Variants in SEC61A2 observed in about 807,000 individuals in gnomAD.
SEC61A2 encodes SEC61 translocon subunit alpha 2, also known as protein transport protein Sec61 subunit alpha isoform 2.
In SEC61A2, 28 loss-of-function variants were observed where a neutral mutation model predicts 59.9. The ratio of observed to expected loss-of-function variants is 0.47; its 90% CI spans 0.35 to 0.64. The LOEUF (loss-of-function observed/expected upper bound fraction) is 0.64, where lower values mean the gene tolerates loss of function less well. Among genes scored for constraint, SEC61A2 ranks in the 30% least tolerant of loss-of-function variants. The pLI, the probability that SEC61A2 is intolerant of heterozygous loss-of-function variation, is 0.01. For synonymous variants in SEC61A2, 202 were observed against 214.4 expected, an observed-to-expected ratio of 0.94 and a Z score of 0.50; for missense variants, 340 against 585.9, an observed-to-expected ratio of 0.58 and a Z score of 4.33.
Position 12,164,120 on chromosome 10 carries a change from C to A in SEC61A2, c.1245-148C>A. 1.2e-6 allele frequency: 1 copy of A among 807,120 alleles called. No individual in the cohort carries two copies. Among genetic ancestry groups the A allele is most frequent in the Non-Finnish European group, 1.9e-6 (1 of 530,604 alleles). 50.0% of individuals were successfully genotyped at this position (807,120 alleles called of 1,614,324 possible). The stretch of plus-strand genomic sequence containing the variant: ...TCCTGTTCCCATGCCGTGCCCTGCA[C>A]ACCCCTCCACACTGCAGCCTGTTCC... On this transcript the variant is annotated intron_variant, in intron 11 of 11. Transcript: ENST00000298428. The surrounding 1 kb of genome is among the most constrained non-coding windows in gnomAD (Gnocchi z 7.3).
chr10:12,131,411 G>C (rs1385018870), intron 1 of SEC61A2, among the ~76,000 whole-genome samples: 2 of 152,192 alleles, frequency 1.3e-5, no homozygotes, highest in African/African-American at 2.4e-5. Context: ...GCAAAGGACA[G>C]AAGCTTGAGA....
chr10:12,154,772 CAT>C lies in SEC61A2; in HGVS notation c.463-1005_463-1004del, dbSNP rs2131674036. 6.6e-6 allele frequency among the ~76,000 whole-genome samples: 1 copy of C among 152,182 alleles called. No individual in the cohort carries two copies. Among genetic ancestry groups the C allele is most frequent in the Non-Finnish European group, 1.5e-5 (1 of 68,024 alleles). On this transcript the variant is annotated intron_variant, in intron 6 of 11. Coordinates refer to ENST00000298428, the MANE Select transcript of SEC61A2 (RefSeq NM_018144.4). This position sits in a 1 kb window ranked among gnomAD's most constrained non-coding sequence, Gnocchi z 5.2. ...AAGGTAAGCATGCCTAAAATGGTCT[CAT>C]GTGGTTACTTTGGTCGCTCTTCCAG...
In SEC61A2 at chr10:12,155,306, C is replaced by A. The variant is rs1588642638; in HGVS notation, c.463-472C>A. ...TATATAATATATATAATGCTTTTTT[C>A]AAAGGATCAACACAGCCCTTAGACT... On this transcript the variant is annotated intron_variant, in intron 6 of 11. Coordinates refer to ENST00000298428, the MANE Select transcript of SEC61A2 (RefSeq NM_018144.4). The surrounding 1 kb of genome is among the most constrained non-coding windows in gnomAD (Gnocchi z 4.3). 6.5e-7 allele frequency: 1 copy of A among 1,538,908 alleles called. No individual in the cohort carries two copies.
At chr10:12,134,731 C>A (rs1833845345) in intron 2 of SEC61A2, among the ~76,000 whole-genome samples, 1 of 151,916 alleles carries the variant, frequency 6.6e-6, no homozygotes, top group African/African-American at 2.4e-5. Context: ...TCCTTGCCAA[C>A]ATGGTGAAGC....
chr10:12,169,418 T>A, downstream of SEC61A2: 3 of 908,480 alleles, frequency 3.3e-6, no homozygotes. The surrounding 1 kb of genome is among the most constrained non-coding windows in gnomAD (Gnocchi z 4.8). Context: ...TGTTCCTGTT[T>A]TATGAAAAAA....
At chr10:12,146,617 A>G (rs566769926) in intron 4 of SEC61A2, among the ~76,000 whole-genome samples, 28 of 150,658 alleles carry the variant, frequency 1.9e-4, no homozygotes, top group African/African-American at 6.3e-4. Context: ...TCCCGGGTTC[A>G]CACCATTCTC....
downstream of SEC61A2, chr10:12,166,828 G>A (rs1834710450): frequency 4.4e-6 from 2 of 459,100 alleles, no homozygotes; most frequent in Non-Finnish European, 9.0e-6. Context: ...CTAGATGACA[G>A]GGTTTCAGGC....
chr10:12,168,296 T>A (rs1231100972), downstream of SEC61A2, among the ~76,000 whole-genome samples: 1 of 152,222 alleles, frequency 6.6e-6, no homozygotes, highest in East Asian at 1.9e-4. The surrounding 1 kb of genome is among the most constrained non-coding windows in gnomAD (Gnocchi z 4.8). Flanking sequence ...AGTGCTGGGA[T>A]TACAGGCGTG....
intron 3 of SEC61A2, among the ~76,000 whole-genome samples, chr10:12,139,706 C>T (rs1833966911): frequency 6.6e-6 from 1 of 152,192 alleles, no homozygotes; most frequent in Non-Finnish European, 1.5e-5. Flanking sequence ...ATGGCATGAA[C>T]CCAGGATGCA....
rs549527099 is a variant in SEC61A2 at position 12,152,116 on chromosome 10, C to T, written c.462+2155C>T. On this transcript the variant is annotated intron_variant, in intron 6 of 11. Coordinates refer to ENST00000298428, the MANE Select transcript of SEC61A2 (RefSeq NM_018144.4). This position sits in a 1 kb window ranked among gnomAD's most constrained non-coding sequence, Gnocchi z 5.5. The stretch of plus-strand genomic sequence containing the variant: ...TTTTTTTTTTCGAGACGGAGTCCTG[C>T]TCTGTCTCCCAGACTAAAGTGCAGT... Among the ~76,000 whole-genome samples the T allele has an allele frequency of 2.5e-4, 37 of 149,352 alleles. No homozygotes were observed. Among genetic ancestry groups the T allele is most frequent in the African/African-American group, 8.9e-4 (36 of 40,522 alleles).
intron 4 of SEC61A2, among the ~76,000 whole-genome samples, chr10:12,144,844 A>G (rs748828611): frequency 6.6e-6 from 1 of 152,130 alleles, no homozygotes; most frequent in Non-Finnish European, 1.5e-5. Flanking sequence ...TGAGGTCAGG[A>G]GTCCAGACCA....
At chr10:12,144,444 C>T (rs1317409893) in intron 4 of SEC61A2, among the ~76,000 whole-genome samples, 2 of 152,160 alleles carry the variant, frequency 1.3e-5, no homozygotes, top group Non-Finnish European at 2.9e-5. Flanking sequence ...GTTATTATTC[C>T]ATTATAAGGA....
intron 3 of SEC61A2, 73 bp downstream of exon 3, chr10:12,136,243 T>A (rs1833880831): frequency 1.0e-6 from 1 of 965,424 alleles, no homozygotes; most frequent in Admixed American, 2.0e-5. Context: ...ATTTGAGAAT[T>A]TTTTTTGTTA....
Position 12,158,109 on chromosome 10 carries a change from A to C in SEC61A2, c.975+4A>C. On this transcript the variant is annotated splice_donor_region_variant and intron_variant, in intron 9 of 11. Transcript: ENST00000298428. The surrounding 1 kb of genome is among the most constrained non-coding windows in gnomAD (Gnocchi z 5.7). ...AAATTTACTAGGACAGTGGGCCGTGAGTATTATGTTTATTTACATTATTTA... is the reference window on the plus strand; with the variant it reads ...AAATTTACTAGGACAGTGGGCCGTGCGTATTATGTTTATTTACATTATTTA... 1 of 1,600,030 alleles carries C rather than the reference A, an allele frequency of 6.2e-7. No individual in the cohort carries two copies. Among genetic ancestry groups the C allele is most frequent in the Non-Finnish European group, 8.6e-7 (1 of 1,167,576 alleles).
chr10:12,140,656 C>CATGATCTCAGCTCACTGCA (rs1324835544), intron 3 of SEC61A2, among the ~76,000 whole-genome samples: 4 of 152,182 alleles, frequency 2.6e-5, no homozygotes, highest in Non-Finnish European at 5.9e-5. Context: ...AGTGCAGTGG[C>CATGATCTCAGCTCACTGCA]ATGATCTCAG....
In SEC61A2 at chr10:12,162,850, C is replaced by G. The variant is rs1031042729; in HGVS notation, c.1244+561C>G. Reference sequence around the variant, plus strand: ...TTTAACTTTGTCTCTACAGATTTGCCTATTCTGTACATTTCATATAAATGG... The same window carrying G: ...TTTAACTTTGTCTCTACAGATTTGCGTATTCTGTACATTTCATATAAATGG... On this transcript the variant is annotated intron_variant, in intron 11 of 11. Transcript: ENST00000298428. The surrounding 1 kb of genome is among the most constrained non-coding windows in gnomAD (Gnocchi z 6.1). Among the ~76,000 whole-genome samples, 3 of 152,092 alleles carry G rather than the reference C, an allele frequency of 2.0e-5. No individual in the cohort carries two copies. The highest frequency in any genetic ancestry group is 4.4e-5 in the Non-Finnish European group (3 of 68,032).
chr10:12,136,776 C>T (rs1833898930), intron 3 of SEC61A2, among the ~76,000 whole-genome samples: 1 of 151,196 alleles, frequency 6.6e-6, no homozygotes, highest in Non-Finnish European at 1.5e-5. Context: ...ATTACAGGTG[C>T]ATGCCACCAA....
At chr10:12,166,757 C>T (rs571251983), downstream of SEC61A2, 1 of 503,600 alleles carries the variant, frequency 2.0e-6, no homozygotes, top group Non-Finnish European at 4.1e-6. Context: ...AAAGTCAACA[C>T]AAAAAGAGCT....
chr10:12,151,125 A>AT lies in SEC61A2; in HGVS notation c.462+1165dup, dbSNP rs1289981232. Reference sequence around the variant, plus strand: ...TTGGAAGCTATTTCTCTATTGTACAATCCTTAAAAACCATTTAGATAAATT... The same window carrying AT: ...TTGGAAGCTATTTCTCTATTGTACAATTCCTTAAAAACCATTTAGATAAATT... On this transcript the variant is annotated intron_variant, in intron 6 of 11. Coordinates refer to ENST00000298428, the MANE Select transcript of SEC61A2 (RefSeq NM_018144.4). 1.7e-4 allele frequency among the ~76,000 whole-genome samples: 26 copies of AT among 151,118 alleles called. 2 individuals carry two copies. Among genetic ancestry groups the AT allele is most frequent in the African/African-American group, 5.7e-4 (23 of 40,506 alleles).
Sources: allele counts gnomAD v4.1 joint callset (sites outside exome capture counted in the v4.1 genomes callset), GRCh38; gene constraint gnomAD v4.1.1; non-coding constraint Gnocchi (gnomAD v3.1); transcripts MANE v1.5; gene names NCBI Gene and HGNC (gene_info 2026-07-23, HGNC 2026-07-21).